Variants in CCDC92 observed in about 807,000 individuals in gnomAD.
CCDC92 encodes the protein coiled-coil domain containing 92.
In CCDC92, 12 loss-of-function variants were observed where a neutral mutation model predicts 24.9. The ratio of observed to expected loss-of-function variants is 0.48; its 90% CI spans 0.31 to 0.78. CCDC92 has a LOEUF of 0.78. Among genes scored for constraint, CCDC92 ranks in the 30% least tolerant of loss-of-function variants. The probability of loss-of-function intolerance (pLI) is 0.05; values close to 1 mark genes in which losing one functional copy is unlikely to be tolerated. For missense variants in CCDC92, 399 were observed against 439.4 expected (o/e 0.91, Z 0.82); for synonymous variants, 193 against 196.3 (o/e 0.98, Z 0.14).
In CCDC92 at chr12:123,942,627, C is replaced by T. The variant is rs987465045; in HGVS notation, c.223+117G>A. 2.2e-5 allele frequency: 18 copies of T among 828,312 alleles called. No individual in the cohort carries two copies. The East Asian group carries it at 2.4e-4, about 11-fold the overall frequency. The allele number at this position is 828,312 out of a possible 1,614,324, so 51.3% of individuals were successfully genotyped here. ...CTTCTCTTAGAGAGCTCAGGCCACA[C>T]GCATAACTCTTCCCAGCAAGAGCAT... On this transcript the variant is annotated intron_variant, in intron 4 of 4. Transcript: ENST00000238156.
intron 1 of CCDC92, among the ~76,000 whole-genome samples, chr12:123,969,225 T>C (rs1385776474): frequency 6.6e-6 from 1 of 152,186 alleles, no homozygotes; most frequent in African/African-American, 2.4e-5. Context: ...AAAGCTCCAA[T>C]TCCCCTAAGC....
rs201517947 is a variant in CCDC92, at chr12:123,937,799, C to A, written c.255G>T (p.Lys85Asn). 1.2e-4 allele frequency: 201 copies of A among 1,611,654 alleles called. No individual in the cohort carries two copies. Among genetic ancestry groups the A allele is most frequent in the Middle Eastern group, 4.9e-4 (3 of 6,076 alleles). Residue 85 changes from lysine (K) to asparagine (N), a missense_variant, in exon 5 of 5, where the codon AAG (lysine) becomes AAT (asparagine). Lys to Asn is a moderately conservative substitution (Grantham distance 94, BLOSUM62 0). Transcript: ENST00000238156. This position sits in a 1 kb window ranked among gnomAD's most constrained non-coding sequence, Gnocchi z 8.4. ...GGGCTTCCAGCTCTTCACATCTTTT[C>A]TTTAATTCACTGCTTTTAGAAGTCC... ...GDGTSKSSEL[K>N]KRCEELEAQL... is the part of the protein sequence containing the mutation.
chr12:123,969,270 G>C (rs1436417464), intron 1 of CCDC92, among the ~76,000 whole-genome samples: 1 of 151,986 alleles, frequency 6.6e-6, no homozygotes, highest in Non-Finnish European at 1.5e-5. Flanking sequence ...TCTTGGCTTT[G>C]TTTTACCTTC....
In CCDC92 at chr12:123,937,043, G is replaced by A. The variant is rs764556631; in HGVS notation, c.*15C>T. 5 of 1,613,322 alleles carry A rather than the reference G, an allele frequency of 3.1e-6. No homozygotes were observed. The East Asian group carries it at 6.7e-5, about 22-fold the overall frequency. Reference sequence around the variant, plus strand: ...TCACAGTGCATGGACAGCGCGGGGTGGGGCACGGCGGGCTTCACACAGTTC... The same window carrying A: ...TCACAGTGCATGGACAGCGCGGGGTAGGGCACGGCGGGCTTCACACAGTTC... On this transcript the variant is annotated 3_prime_UTR_variant, in exon 5 of 5. Coordinates refer to ENST00000238156, the MANE Select transcript of CCDC92 (RefSeq NM_025140.3). The surrounding 1 kb of genome is among the most constrained non-coding windows in gnomAD (Gnocchi z 8.4).
chr12:123,953,726 T>C (rs1259727805), intron 1 of CCDC92, among the ~76,000 whole-genome samples: 1 of 152,034 alleles, frequency 6.6e-6, no homozygotes, highest in Non-Finnish European at 1.5e-5. Flanking sequence ...TGCAGTGAGC[T>C]GAGATCATGC....
At chr12:123,965,842 C>T (rs1956379600) in intron 1 of CCDC92, among the ~76,000 whole-genome samples, 1 of 152,076 alleles carries the variant, frequency 6.6e-6, no homozygotes, top group Non-Finnish European at 1.5e-5. Flanking sequence ...CAGTGTAGCT[C>T]ATCAGCACTG....
At chr12:123,954,055 T>C (rs886170457) in intron 1 of CCDC92, among the ~76,000 whole-genome samples, 3 of 152,272 alleles carry the variant, frequency 2.0e-5, no homozygotes, top group African/African-American at 7.2e-5. Context: ...ATCTAAAGCT[T>C]CTTTAATGAT....
chr12:123,971,874 C>A (rs1390351765), intron 1 of CCDC92: 1 of 151,920 alleles, frequency 6.6e-6, no homozygotes, highest in Admixed American at 6.6e-5. Context: ...CAGGAAGGGG[C>A]TGGCAAGGTA....
At chr12:123,947,982 C>T (rs1419305017) in intron 1 of CCDC92, among the ~76,000 whole-genome samples, 1 of 152,194 alleles carries the variant, frequency 6.6e-6, no homozygotes, top group African/African-American at 2.4e-5. Context: ...ACTCCGAACA[C>T]ATCCGAACAT....
rs1347195488 is a variant in CCDC92, at chr12:123,936,815, G to A, written c.*243C>T. The stretch of plus-strand genomic sequence containing the variant: ...GCAGCGCACTTAGGTTACACGGAGC[G>A]GGATCAGAAGCAAGCGATTCGGCAC... On this transcript the variant is annotated 3_prime_UTR_variant, in exon 5 of 5. Coordinates refer to ENST00000238156, the MANE Select transcript of CCDC92 (RefSeq NM_025140.3). 7.6e-5 allele frequency: 45 copies of A among 595,446 alleles called. No homozygotes were observed. In the East Asian group the frequency reaches 8.8e-4, roughly 12 times the overall value. The allele number at this position is 595,446 out of a possible 1,614,324, so 36.9% of individuals were successfully genotyped here. A position where few individuals can be genotyped will look rare whatever the true frequency, so the allele number is the denominator to read the frequency against.
intron 1 of CCDC92, among the ~76,000 whole-genome samples, chr12:123,969,698 G>C (rs1431402706): frequency 6.6e-6 from 1 of 151,858 alleles, no homozygotes; most frequent in Non-Finnish European, 1.5e-5. Flanking sequence ...TCTTGACCTC[G>C]TGATCTGCCC....
intron 1 of CCDC92, among the ~76,000 whole-genome samples, chr12:123,959,459 C>T (rs1246654225): frequency 1.3e-5 from 2 of 152,112 alleles, no homozygotes; most frequent in Admixed American, 6.5e-5. Context: ...TGTGCACCAC[C>T]ACGCCCGGCT....
At chr12:123,961,712 G>A (rs1956276031) in intron 1 of CCDC92, among the ~76,000 whole-genome samples, 1 of 152,214 alleles carries the variant, frequency 6.6e-6, no homozygotes, top group African/African-American at 2.4e-5. Flanking sequence ...AGCTTCAGAG[G>A]AGAAGAATCA....
At chr12:123,969,708 C>T (rs1380977814) in intron 1 of CCDC92, among the ~76,000 whole-genome samples, 1 of 151,920 alleles carries the variant, frequency 6.6e-6, no homozygotes, top group African/African-American at 2.4e-5. Context: ...GTGATCTGCC[C>T]GCCTCGGCCT....
chr12:123,965,571 G>A (rs888473943), intron 1 of CCDC92, among the ~76,000 whole-genome samples: 4 of 152,104 alleles, frequency 2.6e-5, no homozygotes, highest in Non-Finnish European at 4.4e-5. Flanking sequence ...TTCCTTTGGT[G>A]AATAACACGG....
intron 1 of CCDC92, among the ~76,000 whole-genome samples, chr12:123,971,018 G>GT (rs1956516223): frequency 6.6e-6 from 1 of 152,036 alleles, no homozygotes; most frequent in South Asian, 2.1e-4. Context: ...TGAATGATTC[G>GT]TTTTTTAAAG....
intron 4 of CCDC92, among the ~76,000 whole-genome samples, chr12:123,942,429 G>A (rs1955712522): frequency 6.6e-6 from 1 of 152,194 alleles, no homozygotes; most frequent in Non-Finnish European, 1.5e-5. Context: ...TTTAACTCAC[G>A]TCTATTTTTA....
chr12:123,947,784 C>G (rs1370907623), intron 1 of CCDC92, among the ~76,000 whole-genome samples: 1 of 152,138 alleles, frequency 6.6e-6, no homozygotes, highest in Admixed American at 6.5e-5. Context: ...GCTGCCCGAG[C>G]CAGCAGTGGC....
chr12:123,939,256 GCTT>G (rs1273643903), intron 4 of CCDC92, among the ~76,000 whole-genome samples: 1 of 152,132 alleles, frequency 6.6e-6, no homozygotes, highest in Non-Finnish European at 1.5e-5. Context: ...TCTTTCCCGG[GCTT>G]CTGTCTGTCT....
Sources: allele counts gnomAD v4.1 joint callset (sites outside exome capture counted in the v4.1 genomes callset), GRCh38; gene constraint gnomAD v4.1.1; non-coding constraint Gnocchi (gnomAD v3.1); transcripts MANE v1.5; gene names NCBI Gene and HGNC (gene_info 2026-07-23, HGNC 2026-07-21).